HDAC9: variants seen among roughly 807,000 people sequenced by gnomAD.
HDAC9 encodes MEF-2 interacting transcription repressor (MITR) protein.
A neutral mutation model predicts 139.4 loss-of-function variants in HDAC9; 41 were observed. The ratio of observed to expected loss-of-function variants is 0.29; its 90% CI spans 0.23 to 0.38. HDAC9 has a LOEUF of 0.38. HDAC9 is among the 10% of genes least tolerant of loss of function. The probability of loss-of-function intolerance (pLI) is 1.00; values close to 1 mark genes in which losing one functional copy is unlikely to be tolerated. For synonymous variants in HDAC9, 517 were observed against 476.2 expected (o/e 1.09, Z -1.12); for missense variants, 1,147 against 1,297.0 (o/e 0.88, Z 1.78).
intron 2 of HDAC9, among the ~76,000 whole-genome samples, chr7:18,227,964 A>G (rs923236199): frequency 2.6e-5 from 4 of 152,174 alleles, no homozygotes; most frequent in Non-Finnish European, 5.9e-5. Flanking sequence ...TTTAAGTCTC[A>G]TGGCAATCTT....
At chr7:18,261,147 TA>T (rs79946005) in intron 2 of HDAC9, among the ~76,000 whole-genome samples, 57,560 of 148,496 alleles carry the variant, frequency 0.39, 12,366 homozygotes, top group Admixed American at 0.51. Flanking sequence ...TACAAAAAAT[TA>T]AAAAAAAAAA....
At chr7:18,441,378 A>C (rs192764545) in intron 1 of HDAC9, among the ~76,000 whole-genome samples, 97 of 152,220 alleles carry the variant, frequency 6.4e-4, no homozygotes, top group Non-Finnish European at 1.3e-3. Flanking sequence ...TTGAATTTTT[A>C]GTATCTTAGC....
chr7:18,578,472 C>T (rs1194762133), intron 2 of HDAC9, among the ~76,000 whole-genome samples: 1 of 152,204 alleles, frequency 6.6e-6, no homozygotes, highest in Non-Finnish European at 1.5e-5. Context: ...GGCCCCTTCT[C>T]TGCAGAGGGT....
intron 16 of HDAC9, among the ~76,000 whole-genome samples, chr7:18,771,071 T>C (rs952285507): frequency 6.6e-6 from 1 of 151,954 alleles, no homozygotes; most frequent in African/African-American, 2.4e-5. Flanking sequence ...GAGGAGGAGC[T>C]GTGGACGAGG....
chr7:18,758,309 C>T (rs746309757), intron 14 of HDAC9, among the ~76,000 whole-genome samples: 4 of 152,090 alleles, frequency 2.6e-5, no homozygotes, highest in South Asian at 2.1e-4. Context: ...AGATATCCTT[C>T]GGACCAAGTA....
intron 12 of HDAC9, among the ~76,000 whole-genome samples, chr7:18,703,255 C>A (rs1439855669): frequency 1.3e-5 from 2 of 151,940 alleles, no homozygotes; most frequent in Non-Finnish European, 2.9e-5. Flanking sequence ...AACAGGTGCT[C>A]AAAGGAAACA....
At chr7:18,284,294 A>G (rs1204057761) in intron 2 of HDAC9, among the ~76,000 whole-genome samples, 1 of 152,104 alleles carries the variant, frequency 6.6e-6, no homozygotes, top group Non-Finnish European at 1.5e-5. Flanking sequence ...ATATGTATAT[A>G]TTTTTTCATC....
At chr7:18,388,529 T>G (rs1786160047) in intron 1 of HDAC9, among the ~76,000 whole-genome samples, 1 of 152,202 alleles carries the variant, frequency 6.6e-6, no homozygotes, top group Non-Finnish European at 1.5e-5. Context: ...ACTTGTAGTT[T>G]CTTAGTACTT....
intron 2 of HDAC9, among the ~76,000 whole-genome samples, chr7:18,528,777 T>G (rs759117297): frequency 2.6e-5 from 4 of 152,188 alleles, no homozygotes; most frequent in Non-Finnish European, 5.9e-5. Context: ...GGAATATAGT[T>G]GACCATGTTT....
chr7:18,125,663 T>C (rs1470339096), intron 1 of HDAC9, among the ~76,000 whole-genome samples: 2 of 152,108 alleles, frequency 1.3e-5, no homozygotes, highest in South Asian at 2.1e-4. Flanking sequence ...ATCAGCAAGA[T>C]AGTAAATATT....
intron 2 of HDAC9, among the ~76,000 whole-genome samples, chr7:18,186,375 A>T (rs1421315031): frequency 6.6e-6 from 1 of 152,244 alleles, no homozygotes; most frequent in African/African-American, 2.4e-5. Context: ...CTAACAAGGA[A>T]CAGGTGCACT....
At chr7:18,955,508 C>G (rs1374884321) in intron 24 of HDAC9, among the ~76,000 whole-genome samples, 1 of 152,108 alleles carries the variant, frequency 6.6e-6, no homozygotes, top group Non-Finnish European at 1.5e-5. Context: ...ATTATATACA[C>G]AGAGTGTTAA....
chr7:18,138,200 T>C (rs1051819349), intron 1 of HDAC9, among the ~76,000 whole-genome samples: 1 of 152,186 alleles, frequency 6.6e-6, no homozygotes, highest in Non-Finnish European at 1.5e-5. Context: ...CTCTCTTTTT[T>C]TCTTTATTAG....
At chr7:18,817,026 G>A (rs546697731) in intron 17 of HDAC9, among the ~76,000 whole-genome samples, 1 of 144,670 alleles carries the variant, frequency 6.9e-6, no homozygotes, top group African/African-American at 2.7e-5. Flanking sequence ...ATACCTAGGT[G>A]AGAAGTTTTT....
chr7:18,101,930 A>T (rs1317829988), intron 1 of HDAC9, among the ~76,000 whole-genome samples: 4 of 152,236 alleles, frequency 2.6e-5, no homozygotes, highest in Non-Finnish European at 5.9e-5. Context: ...ATCATAAAAC[A>T]GCTCATAAAT....
At chr7:18,627,197 C>T (rs1210238206) in intron 6 of HDAC9, among the ~76,000 whole-genome samples, 2 of 152,288 alleles carry the variant, frequency 1.3e-5, no homozygotes, top group East Asian at 3.9e-4. Flanking sequence ...AATTCACATC[C>T]CTCAATGAAA....
At chr7:18,767,073 T>C (rs1054591086) in intron 15 of HDAC9, 33 bp from the exon 16 acceptor site, 1 of 1,066,836 alleles carries the variant, frequency 9.4e-7, no homozygotes, top group Non-Finnish European at 1.3e-6. Context: ...AACCTCCATT[T>C]ATCTATATTT....
intron 25 of HDAC9, among the ~76,000 whole-genome samples, chr7:18,992,335 T>C (rs186091155): frequency 1.1e-4 from 16 of 152,276 alleles, no homozygotes; most frequent in African/African-American, 3.9e-4. Flanking sequence ...AGCTTCAAAC[T>C]AGATAAATAT....
At chr7:18,255,208 A>G (rs1183039089) in intron 2 of HDAC9, among the ~76,000 whole-genome samples, 1 of 152,210 alleles carries the variant, frequency 6.6e-6, no homozygotes, top group East Asian at 1.9e-4. Flanking sequence ...CTTCCAGCAC[A>G]GAGCTAAACA....
Sources: gnomAD v4.1 joint callset for allele counts (sites outside exome capture counted in the v4.1 genomes callset) on GRCh38, gnomAD v4.1.1 for gene constraint, MANE v1.5 for transcripts, NCBI Gene and HGNC (gene_info 2026-07-23, HGNC 2026-07-21) for gene names.